MOB3B: variants seen among roughly 807,000 people sequenced by gnomAD.
The protein encoded by MOB3B is MOB kinase activator-like 2B.
A neutral mutation model predicts 18.7 loss-of-function variants in MOB3B; 7 were observed. That is an observed-to-expected ratio of 0.37 (90% CI 0.21 to 0.70). MOB3B has a LOEUF of 0.70. Ranked by LOEUF, MOB3B falls within the 30% of genes least tolerant of loss-of-function variation. The pLI is 0.52. For missense variants in MOB3B, 253 were observed against 281.3 expected (o/e 0.90, Z 0.72); for synonymous variants, 111 against 99.9 (o/e 1.11, Z -0.66).
At chr9:27,439,581 C>G (rs1421832758) in intron 2 of MOB3B, among the ~76,000 whole-genome samples, 3 of 152,196 alleles carry the variant, frequency 2.0e-5, no homozygotes, top group Non-Finnish European at 2.9e-5. Flanking sequence ...AAAGCCATGA[C>G]TTGAAATCTC....
chr9:27,404,621 G>A (rs1821938958), intron 2 of MOB3B, among the ~76,000 whole-genome samples: 2 of 151,922 alleles, frequency 1.3e-5, no homozygotes, highest in African/African-American at 4.8e-5. Context: ...GCCTCCCAAA[G>A]TGCTGGATTT....
At chr9:27,393,246 A>G (rs1821753154) in intron 2 of MOB3B, among the ~76,000 whole-genome samples, 1 of 152,166 alleles carries the variant, frequency 6.6e-6, no homozygotes, top group Non-Finnish European at 1.5e-5. Context: ...CCTATTTATG[A>G]AGAAGTTATT....
intron 1 of MOB3B, among the ~76,000 whole-genome samples, chr9:27,504,652 G>A (rs2131497068): frequency 6.6e-6 from 1 of 152,296 alleles, no homozygotes; most frequent in Middle Eastern, 3.4e-3. Context: ...TCCTGAACAG[G>A]AGCAGGGCCT....
chr9:27,378,455 G>A (rs1277207216), intron 2 of MOB3B: 1 of 471,266 alleles, frequency 2.1e-6, no homozygotes, highest in Non-Finnish European at 4.4e-6. Context: ...GATGTGGCCA[G>A]AATGATTACA....
intron 3 of MOB3B, among the ~76,000 whole-genome samples, chr9:27,334,944 C>T (rs532667068): frequency 2.6e-5 from 4 of 152,344 alleles, no homozygotes; most frequent in Admixed American, 2.6e-4. Flanking sequence ...CAGCCTCAGC[C>T]TCCTGAGTAG....
intron 2 of MOB3B, among the ~76,000 whole-genome samples, chr9:27,452,748 T>G (rs544823947): frequency 1.3e-5 from 2 of 152,316 alleles, no homozygotes; most frequent in South Asian, 4.1e-4. Flanking sequence ...ATAGGTTAAG[T>G]GAAATATGCC....
At chr9:27,426,688 C>T (rs1004153757) in intron 2 of MOB3B, among the ~76,000 whole-genome samples, 1 of 152,328 alleles carries the variant, frequency 6.6e-6, no homozygotes, top group East Asian at 1.9e-4. Context: ...CTGTCCCCCC[C>T]TGCCCGACTC....
chr9:27,357,159 T>G (rs1186658470), intron 3 of MOB3B, among the ~76,000 whole-genome samples: 1 of 127,474 alleles, frequency 7.8e-6, no homozygotes, highest in Non-Finnish European at 1.7e-5. Context: ...TTTTTTTTTT[T>G]GCCATATATT....
At chr9:27,405,177 G>A (rs559639143) in intron 2 of MOB3B, among the ~76,000 whole-genome samples, 6 of 124,036 alleles carry the variant, frequency 4.8e-5, no homozygotes, top group East Asian at 2.8e-4. Flanking sequence ...GTGCGATCTC[G>A]GCTCACTGCA....
intron 2 of MOB3B, among the ~76,000 whole-genome samples, chr9:27,399,103 C>T (rs907592354): frequency 6.6e-6 from 1 of 152,096 alleles, no homozygotes; most frequent in African/African-American, 2.4e-5. Context: ...CTGAGGAAAC[C>T]AAGCCCACAT....
intron 2 of MOB3B, among the ~76,000 whole-genome samples, chr9:27,451,093 T>C (rs1372754362): frequency 6.6e-6 from 1 of 152,218 alleles, no homozygotes; most frequent in Non-Finnish European, 1.5e-5. Flanking sequence ...CTAAGTTTGC[T>C]ACTGGCTTTT....
At chr9:27,473,723 C>A (rs1340235065) in intron 1 of MOB3B, among the ~76,000 whole-genome samples, 1 of 152,086 alleles carries the variant, frequency 6.6e-6, no homozygotes, top group East Asian at 1.9e-4. Flanking sequence ...TCCACACACA[C>A]CCCACCTTGC....
At position 27,330,600 on chromosome 9, in the gene MOB3B, C is replaced by T; in HGVS notation, c.638G>A (p.Arg213Lys). 6.2e-7 allele frequency: 1 copy of T among 1,614,072 alleles called. No individual in the cohort carries two copies. The part of the protein sequence containing the change: ...ELEPLKEMTS[R>K]MCH Reference sequence around the variant, plus strand: ...TGAGGTGGAGCATTAGTGACACATCCTGCTCGTCATTTCTTTCTGGAAAGC... The same window carrying T: ...TGAGGTGGAGCATTAGTGACACATCTTGCTCGTCATTTCTTTCTGGAAAGC... The change falls in exon 4 of 4, where the codon AGG (arginine) becomes AAG (lysine). Residue 213 changes from arginine to lysine, a missense_variant. Arg to Lys is a conservative substitution (Grantham distance 26). Coordinates refer to ENST00000262244, the MANE Select transcript of MOB3B (RefSeq NM_024761.5).
At chr9:27,404,347 CT>C (rs756275032) in intron 2 of MOB3B, among the ~76,000 whole-genome samples, 3,320 of 75,190 alleles carry the variant, frequency 0.044, 11 homozygotes, top group East Asian at 0.24. Flanking sequence ...TTCTTTCTTT[CT>C]TTTTTTTTTT....
intron 1 of MOB3B, among the ~76,000 whole-genome samples, chr9:27,510,696 T>C (rs1345908294): frequency 6.6e-6 from 1 of 152,184 alleles, no homozygotes; most frequent in Non-Finnish European, 1.5e-5. Context: ...ATGGAGCCAA[T>C]GTTGAGCAAA....
At chr9:27,476,370 TG>T (rs1300750991) in intron 1 of MOB3B, among the ~76,000 whole-genome samples, 1 of 152,188 alleles carries the variant, frequency 6.6e-6, no homozygotes. Flanking sequence ...TGGGGTTTTT[TG>T]GTATCTTCAG....
chr9:27,424,556 C>G (rs1822299742), intron 2 of MOB3B, among the ~76,000 whole-genome samples: 1 of 152,114 alleles, frequency 6.6e-6, no homozygotes, highest in Admixed American at 6.5e-5. Flanking sequence ...CTTGCTATTG[C>G]CAAACCCAGT....
intron 2 of MOB3B, among the ~76,000 whole-genome samples, chr9:27,446,538 A>G (rs1822694910): frequency 6.6e-6 from 1 of 152,190 alleles, no homozygotes; most frequent in Non-Finnish European, 1.5e-5. Flanking sequence ...GATGAAGGGA[A>G]CATGGATGAT....
chr9:27,518,505 C>G (rs1354113742), intron 1 of MOB3B, among the ~76,000 whole-genome samples: 1 of 152,164 alleles, frequency 6.6e-6, no homozygotes, highest in Non-Finnish European at 1.5e-5. Context: ...TCTGGTCATC[C>G]TAAAACAGAG....
Sources: gnomAD v4.1 joint callset for allele counts (sites outside exome capture counted in the v4.1 genomes callset) on GRCh38, gnomAD v4.1.1 for gene constraint, MANE v1.5 for transcripts, NCBI Gene and HGNC (gene_info 2026-07-23, HGNC 2026-07-21) for gene names.